The following KIAA1217 variants were observed in gnomAD, a reference collection of about 807,000 sequenced individuals.
The protein encoded by KIAA1217 is sickle tail protein homolog.
A neutral mutation model predicts 163.9 loss-of-function variants in KIAA1217; 88 were observed. The observed-to-expected ratio is 0.54, with a 90% CI of 0.45 to 0.64. KIAA1217 has a LOEUF of 0.64. KIAA1217 is among the 30% of genes least tolerant of loss of function. KIAA1217 has a pLI of 0.00. For synonymous variants in KIAA1217, 903 were observed against 923.1 expected (o/e 0.98, Z 0.39); for missense variants, 2,372 against 2,475.0 (o/e 0.96, Z 0.88).
In KIAA1217 at chr10:23,749,844, T is replaced by C. The variant is rs940569008; in HGVS notation, c.-321+54610T>C. Among the ~76,000 whole-genome samples the C allele has an allele frequency of 3.3e-5, 5 of 152,362 alleles. No homozygotes were observed. In the Middle Eastern group the frequency reaches 0.01, roughly 311 times the overall value. On this transcript the variant is annotated intron_variant, in intron 1 of 18. Transcript: ENST00000376462. ...AGCTTGTGAGGTCCAGACAGTTATCTCAAAGCTATGTGCTGATTGTACAAA... is the reference window on the plus strand; with the variant it reads ...AGCTTGTGAGGTCCAGACAGTTATCCCAAAGCTATGTGCTGATTGTACAAA...
intron 1 of KIAA1217, among the ~76,000 whole-genome samples, chr10:23,994,382 A>G (rs1846371287): frequency 6.6e-6 from 1 of 152,214 alleles, no homozygotes; most frequent in Admixed American, 6.5e-5. Flanking sequence ...TTTAGGTCTC[A>G]GGACAGTCCC....
chr10:23,846,093 A>T (rs1839014055), intron 1 of KIAA1217, among the ~76,000 whole-genome samples: 1 of 151,920 alleles, frequency 6.6e-6, no homozygotes. Context: ...TGGTCTATAT[A>T]ACTGTTTTGG....
At chr10:24,269,414 C>T (rs1350053805) in intron 2 of KIAA1217, among the ~76,000 whole-genome samples, 2 of 151,960 alleles carry the variant, frequency 1.3e-5, no homozygotes, top group African/African-American at 4.8e-5. Context: ...GTCCTAGCTA[C>T]TCGGGAGGCT....
chr10:24,279,921 A>T (rs114928114), intron 2 of KIAA1217, among the ~76,000 whole-genome samples: 102 of 152,268 alleles, frequency 6.7e-4, no homozygotes, highest in African/African-American at 2.4e-3. Context: ...TTAGTGTTTG[A>T]TTTTCTTAAA....
chr10:23,983,761 A>G (rs775295113), intron 1 of KIAA1217, among the ~76,000 whole-genome samples: 1 of 152,230 alleles, frequency 6.6e-6, no homozygotes, highest in African/African-American at 2.4e-5. Context: ...ACCCACATGC[A>G]GAATACATTC....
chr10:24,378,568 C>G (rs16924714), intron 2 of KIAA1217, among the ~76,000 whole-genome samples: 5,310 of 152,142 alleles, frequency 0.035, 239 homozygotes, highest in East Asian at 0.099. Flanking sequence ...TTGACGAGCT[C>G]AAGAACTTTT....
intron 16 of KIAA1217, among the ~76,000 whole-genome samples, chr10:24,534,004 A>C (rs978339675): frequency 5.3e-5 from 8 of 152,184 alleles, no homozygotes; most frequent in Non-Finnish European, 1.0e-4. Flanking sequence ...CATTTGCCTC[A>C]TGCTTCTTAT....
At chr10:23,903,671 C>T (rs962048664) in intron 1 of KIAA1217, among the ~76,000 whole-genome samples, 1 of 152,026 alleles carries the variant, frequency 6.6e-6, no homozygotes, top group Non-Finnish European at 1.5e-5. Flanking sequence ...GATCTTATGA[C>T]CTACTTTCAG....
chr10:24,099,871 G>A (rs1018325326), intron 2 of KIAA1217, among the ~76,000 whole-genome samples: 1 of 151,750 alleles, frequency 6.6e-6, no homozygotes, highest in South Asian at 2.1e-4. Context: ...ACACTGCAGG[G>A]GTAGATAGGT....
chr10:23,792,652 C>T (rs1346383087), intron 1 of KIAA1217, among the ~76,000 whole-genome samples: 1 of 150,170 alleles, frequency 6.7e-6, no homozygotes, highest in African/African-American at 2.5e-5. Context: ...GCCACCACGC[C>T]CGGCTAATTT....
chr10:24,422,451 C>G (rs1012998737), intron 3 of KIAA1217, among the ~76,000 whole-genome samples: 1 of 152,140 alleles, frequency 6.6e-6, no homozygotes, highest in Admixed American at 6.5e-5. Context: ...AATATTTTCT[C>G]CCTTAATTGT....
chr10:23,869,124 GTTTTTTTTTTT>G (rs58288361), intron 1 of KIAA1217, among the ~76,000 whole-genome samples: 20 of 31,704 alleles, frequency 6.3e-4, no homozygotes, highest in African/African-American at 1.1e-3. Context: ...ATGAAATGTA[GTTTTTTTTTTT>G]TTTTTTTTTT....
intron 1 of KIAA1217, among the ~76,000 whole-genome samples, chr10:23,707,839 G>C (rs936764662): frequency 1.3e-5 from 2 of 152,096 alleles, no homozygotes; most frequent in African/African-American, 4.8e-5. Context: ...CACGATTTCT[G>C]CTCTTTCCAT....
intron 1 of KIAA1217, among the ~76,000 whole-genome samples, chr10:23,714,220 TG>T: frequency 6.6e-6 from 1 of 152,160 alleles, no homozygotes; most frequent in Non-Finnish European, 1.5e-5. Flanking sequence ...GCGTTCATGA[TG>T]TTTCAGCTGG....
rs143221112 is a variant in KIAA1217 at position 24,513,385 on chromosome 10, G to A, written c.2128G>A (p.Glu710Lys). The change falls in exon 10 of 21, where the codon GAG becomes AAG. Residue 710 changes from glutamate to lysine, a missense_variant. Transcript: ENST00000376454. ...VQRQRVLVEQ[E>K]RQKYLHEEEK... ...GCGACAGCGCGTCCTAGTGGAGCAA[G>A]AGAGACAAAAATATCTTCATGAGGA... 2.5e-5 allele frequency: 41 copies of A among 1,614,208 alleles called. No homozygotes were observed. The East Asian group carries it at 4.9e-4, about 19-fold the overall frequency.
chr10:24,293,167 C>T (rs2079271868), intron 2 of KIAA1217, among the ~76,000 whole-genome samples: 2 of 152,156 alleles, frequency 1.3e-5, no homozygotes, highest in South Asian at 4.1e-4. Context: ...CTCAGCCTCC[C>T]GAGTAGCTGG....
intron 2 of KIAA1217, among the ~76,000 whole-genome samples, chr10:24,260,447 T>C (rs1452005657): frequency 6.6e-6 from 1 of 151,868 alleles, no homozygotes; most frequent in East Asian, 1.9e-4. Flanking sequence ...AGCACAGACA[T>C]ATTTAAAAAG....
At chr10:24,406,459 A>G (rs2057234251) in intron 3 of KIAA1217, among the ~76,000 whole-genome samples, 1 of 152,130 alleles carries the variant, frequency 6.6e-6, no homozygotes, top group African/African-American at 2.4e-5. Context: ...TGGGTCCTAG[A>G]AAAAGGTGCT....
chr10:23,869,264 C>T (rs532526681), intron 1 of KIAA1217, among the ~76,000 whole-genome samples: 11 of 147,052 alleles, frequency 7.5e-5, no homozygotes, highest in African/African-American at 2.2e-4. Context: ...AGATGGTATA[C>T]GTCTTGAAGG....
Sources: allele counts gnomAD v4.1 joint callset (sites outside exome capture counted in the v4.1 genomes callset), GRCh38; gene constraint gnomAD v4.1.1; transcripts MANE v1.5; gene names NCBI Gene and HGNC (gene_info 2026-07-23, HGNC 2026-07-21).